The following RIC3 variants were observed in gnomAD, a reference collection of about 807,000 sequenced individuals.
RIC3 encodes the protein protein RIC-3.
A neutral mutation model predicts 27.3 loss-of-function variants in RIC3; 28 were observed. The observed-to-expected ratio is 1.02, with a 90% CI of 0.76 to 1.41. The LOEUF is 1.41. Among genes scored for constraint, RIC3 ranks in the 40% most tolerant of loss-of-function variants. The pLI is 0.00. For missense variants in RIC3, 501 were observed against 444.7 expected, an observed-to-expected ratio of 1.13 and a Z score of -1.14; for synonymous variants, 184 against 160.4, an observed-to-expected ratio of 1.15 and a Z score of -1.11.
rs1017071861 is a variant in RIC3, at chr11:8,107,859, G to A, written c.*2839C>T. ...CTGCCACAGTGCCAAAAGGCCAGGG[G>A]ACTGATCAAGTTCCCAGCACCCTCG... On this transcript the variant is annotated 3_prime_UTR_variant, in exon 6 of 6. Transcript: ENST00000309737. The A allele has an allele frequency of 6.6e-6, 1 of 152,200 alleles. No homozygotes were observed. Among genetic ancestry groups the A allele is most frequent in the Non-Finnish European group, 1.5e-5 (1 of 68,038 alleles). 9.4% of individuals were successfully genotyped at this position (152,200 alleles called of 1,614,324 possible). A position where few individuals can be genotyped will look rare whatever the true frequency, so the allele number is the denominator to read the frequency against.
intron 4 of RIC3, chr11:8,127,012 C>G: frequency 1.6e-6 from 1 of 620,986 alleles, no homozygotes; most frequent in Non-Finnish European, 2.8e-6. Flanking sequence ...AAATTAAAGC[C>G]CAGAATAGAT....
At chr11:8,147,525 GGCAA>G (rs1341026780) in intron 1 of RIC3, among the ~76,000 whole-genome samples, 4 of 151,986 alleles carry the variant, frequency 2.6e-5, no homozygotes, top group Admixed American at 2.6e-4. Context: ...AACCTTGCAG[GGCAA>G]TTTCAAGATA....
chr11:8,169,012 TGC>T lies in RIC3; in HGVS notation c.-25_-24del. On this transcript the variant is annotated 5_prime_UTR_variant, in exon 1 of 6. Transcript: ENST00000309737. ...CATGACTGCTCACGGTGGTCGCAGG[TGC>T]AGACGCCAGCCGGAACCGGAACCGG... 6.7e-7 allele frequency: 1 copy of T among 1,499,968 alleles called. No homozygotes were observed. The highest frequency in any genetic ancestry group is 8.9e-7 in the Non-Finnish European group (1 of 1,128,062). The allele number at this position is 1,499,968 out of a possible 1,614,324, so 92.9% of individuals were successfully genotyped here. A position where few individuals can be genotyped will look rare whatever the true frequency, so the allele number is the denominator to read the frequency against.
chr11:8,096,606 T>C, the RIC3 span: 787 of 948,932 alleles, frequency 8.3e-4, 2 homozygotes, highest in Non-Finnish European at 1.1e-3. Context: ...TGTCTGAACA[T>C]GAGTATGTGA....
chr11:8,101,494 A>G (rs767415747), downstream of RIC3: 2 of 1,614,142 alleles, frequency 1.2e-6, no homozygotes, highest in Non-Finnish European at 1.7e-6. Context: ...AGCGGACTAC[A>G]TCGTGATGCA....
rs1374029710 is a variant in RIC3 at position 8,168,977 on chromosome 11, T to C, written c.13A>G (p.Thr5Ala). The C allele has an allele frequency of 2.5e-6, 4 of 1,599,156 alleles. No homozygotes were observed. Among genetic ancestry groups the C allele is most frequent in the Non-Finnish European group, 3.4e-6 (4 of 1,173,978 alleles). Residue 5 changes from threonine to alanine, a missense_variant, in exon 1 of 6, where the codon ACA becomes GCA. Physicochemically the swap from Thr to Ala is moderately conservative, Grantham distance 58. Transcript: ENST00000309737. ...GAAGCCAGAGCGACTCTCTGCACTG[T>C]GGAGTACGCCATGACTGCTCACGGT... The part of the protein sequence containing the change: MAYS[T>A]VQRVALASGL...
chr11:8,117,564 G>C (rs117200261), intron 5 of RIC3, among the ~76,000 whole-genome samples: 3 of 152,152 alleles, frequency 2.0e-5, no homozygotes, highest in South Asian at 2.1e-4. Context: ...GGAAATGCTA[G>C]TCAAAGGACA....
chr11:8,100,902 T>C, the RIC3 span: 1 of 1,614,162 alleles, frequency 6.2e-7, no homozygotes, highest in Non-Finnish European at 8.5e-7. Flanking sequence ...AAGACACCTG[T>C]CTGGAATGAT....
intron 4 of RIC3, among the ~76,000 whole-genome samples, chr11:8,131,289 T>C (rs758867658): frequency 2.2e-4 from 34 of 152,148 alleles, no homozygotes; most frequent in Non-Finnish European, 4.6e-4. Context: ...TGACAAGACA[T>C]GGTGATTGAT....
At position 8,108,073 on chromosome 11, in the gene RIC3, T is replaced by G. The variant is rs1055417346; in HGVS notation, c.*2625A>C. 1 of 152,186 alleles carries G rather than the reference T, an allele frequency of 6.6e-6. No individual in the cohort carries two copies. The highest frequency in any genetic ancestry group is 1.5e-5 in the Non-Finnish European group (1 of 68,038). 9.4% of individuals were successfully genotyped at this position (152,186 alleles called of 1,614,324 possible). ...AAGGTACATCCAAATGTCTGATATA[T>G]AAATACACAAATATATTCCTTATAT... On this transcript the variant is annotated 3_prime_UTR_variant, in exon 6 of 6. Coordinates refer to ENST00000309737, the MANE Select transcript of RIC3 (RefSeq NM_001206671.4).
chr11:8,105,485 G>A (rs985926689), downstream of RIC3: 4 of 152,194 alleles, frequency 2.6e-5, no homozygotes, highest in South Asian at 2.1e-4. Flanking sequence ...GATAGATTAC[G>A]ACAGGTTTGG....
intron 1 of RIC3, among the ~76,000 whole-genome samples, chr11:8,166,346 T>C (rs577466675): frequency 6.6e-6 from 1 of 152,306 alleles, no homozygotes; most frequent in South Asian, 2.1e-4. Context: ...ACATCATAAA[T>C]ATTTGTTAAA....
chr11:8,126,855 G>A, intron 4 of RIC3, 48 bp from the exon 5 acceptor site: 4 of 1,607,110 alleles, frequency 2.5e-6, no homozygotes, highest in Non-Finnish European at 3.4e-6. Flanking sequence ...ATACTCCTAG[G>A]CAATGGACGT....
chr11:8,136,194 A>G (rs1278461937), intron 4 of RIC3, among the ~76,000 whole-genome samples: 2 of 152,156 alleles, frequency 1.3e-5, no homozygotes, highest in Non-Finnish European at 2.9e-5. Context: ...ATCTGAGGAT[A>G]CCCACTCTCT....
chr11:8,094,187 A>G, the RIC3 span: 1 of 1,611,462 alleles, frequency 6.2e-7, no homozygotes, highest in African/African-American at 1.3e-5. Flanking sequence ...GGAAAGCACA[A>G]AGGTCAGCTC....
In RIC3 at chr11:8,139,989, T is replaced by A; in HGVS notation, c.329A>T (p.Tyr110Phe). Residue 110 changes from tyrosine (Y) to phenylalanine (F), a missense_variant, in exon 2 of 6, where the codon TAT becomes TTT. Coordinates refer to ENST00000309737, the MANE Select transcript of RIC3 (RefSeq NM_001206671.4). The part of the protein sequence containing the change: ...IPIYGFGIFL[Y>F]ILYILFKLSK... ...TACCTTAAATAGAATGTACAGTATA[T>A]ATAAAAAAATCCCAAAACCGTAGAT... is the stretch of plus-strand genomic sequence containing the variant. 1 of 1,613,958 alleles carries A rather than the reference T, an allele frequency of 6.2e-7. No homozygotes were observed. Among genetic ancestry groups the A allele is most frequent in the Non-Finnish European group, 8.5e-7 (1 of 1,179,908 alleles).
chr11:8,098,715 G>T, the RIC3 span: 7 of 1,440,626 alleles, frequency 4.9e-6, no homozygotes, highest in East Asian at 2.3e-5. Flanking sequence ...CTGCTCTGGG[G>T]CAGAGGGTGC....
At chr11:8,155,561 G>A (rs1456125136) in intron 1 of RIC3, among the ~76,000 whole-genome samples, 1 of 152,096 alleles carries the variant, frequency 6.6e-6, no homozygotes, top group Non-Finnish European at 1.5e-5. Context: ...AGGTGACAGT[G>A]AGACTCCGTT....
Position 8,140,018 on chromosome 11 carries a change from A to T in RIC3, c.300T>A (p.Ile100=). The part of the protein sequence containing the change: ...GSGRGLMGQI[I]PIYGFGIFLY... ...AAAAAATCCCAAAACCGTAGATTGG[A>T]ATAATCTGCCCCATCAGACCTCTTC... is the stretch of plus-strand genomic sequence containing the variant. The change falls in exon 2 of 6, where the codon ATT becomes ATA. Residue 100 remains isoleucine, a synonymous_variant. Transcript: ENST00000309737. The T allele has an allele frequency of 6.2e-7, 1 of 1,614,094 alleles. No homozygotes were observed. The highest frequency in any genetic ancestry group is 8.5e-7 in the Non-Finnish European group (1 of 1,180,028).
Sources: gnomAD v4.1 joint callset for allele counts (sites outside exome capture counted in the v4.1 genomes callset) on GRCh38, gnomAD v4.1.1 for gene constraint, MANE v1.5 for transcripts, NCBI Gene and HGNC (gene_info 2026-07-23, HGNC 2026-07-21) for gene names.